The following SLC17A3 variants were observed in gnomAD, a reference collection of about 807,000 sequenced individuals.
SLC17A3 encodes solute carrier family 17 member 3, also known as sodium-dependent phosphate transport protein 4.
A neutral mutation model predicts 60.3 loss-of-function variants in SLC17A3; 61 were observed. The observed-to-expected ratio is 1.01, with a 90% CI of 0.82 to 1.25. The LOEUF (loss-of-function observed/expected upper bound fraction) is 1.25, where lower values mean the gene tolerates loss of function less well. Among genes scored for constraint, SLC17A3 ranks in the 50% most tolerant of loss-of-function variants. The pLI is 0.00. For synonymous variants in SLC17A3, 192 were observed against 208.9 expected, an observed-to-expected ratio of 0.92 and a Z score of 0.70; for missense variants, 624 against 594.9, an observed-to-expected ratio of 1.05 and a Z score of -0.51.
intron 6 of SLC17A3, among the ~76,000 whole-genome samples, chr6:25,853,858 AG>A (rs1396791719): frequency 6.6e-6 from 1 of 152,162 alleles, no homozygotes; most frequent in Non-Finnish European, 1.5e-5. Context: ...TAATGTTAAA[AG>A]TTTCTCTCTA....
chr6:25,852,967 T>G (rs184313875), intron 6 of SLC17A3, among the ~76,000 whole-genome samples: 30 of 152,332 alleles, frequency 2.0e-4, no homozygotes, highest in Non-Finnish European at 3.8e-4. Context: ...GATTAAATTA[T>G]GTGGAAATAG....
chr6:25,854,348 G>T (rs541890816), intron 6 of SLC17A3, among the ~76,000 whole-genome samples: 1 of 152,090 alleles, frequency 6.6e-6, no homozygotes, highest in Non-Finnish European at 1.5e-5. Context: ...ATTTCAGATT[G>T]TTATATCTTC....
chr6:25,857,158 T>C (rs770449287), intron 5 of SLC17A3, among the ~76,000 whole-genome samples: 5 of 151,982 alleles, frequency 3.3e-5, no homozygotes, highest in Non-Finnish European at 5.9e-5. Context: ...CACTGCACTG[T>C]AGCCTGGGTG....
At chr6:25,861,753 G>A (rs745718327) in intron 4 of SLC17A3, 42 bp from the exon 5 acceptor site, 19 of 1,609,014 alleles carry the variant, frequency 1.2e-5, no homozygotes, top group African/African-American at 2.7e-5. Context: ...GTGGTGCCAT[G>A]TAGAAATTCA....
intron 6 of SLC17A3, among the ~76,000 whole-genome samples, chr6:25,852,210 C>T (rs1459255770): frequency 6.6e-6 from 1 of 152,120 alleles, no homozygotes; most frequent in Non-Finnish European, 1.5e-5. Flanking sequence ...ATGCTGCATT[C>T]AGCATTATCT....
chr6:25,846,862 G>A (rs1028256735), intron 11 of SLC17A3, among the ~76,000 whole-genome samples: 23 of 152,116 alleles, frequency 1.5e-4, no homozygotes, highest in Non-Finnish European at 2.2e-4. Context: ...TGCCTGCCTC[G>A]GCCTCCCAAA....
At chr6:25,863,838 A>T (rs1361290453) in intron 2 of SLC17A3, among the ~76,000 whole-genome samples, 1 of 152,060 alleles carries the variant, frequency 6.6e-6, no homozygotes, top group Non-Finnish European at 1.5e-5. Flanking sequence ...TGACATCTTC[A>T]ATCAATCATC....
In SLC17A3 at chr6:25,849,442, C is replaced by A. The variant is rs766701109; in HGVS notation, c.1294G>T (p.Ala432Ser). The A allele has an allele frequency of 4.3e-6, 7 of 1,611,558 alleles. No individual in the cohort carries two copies. The Admixed American group carries it at 1.0e-4, about 23-fold the overall frequency. ...APRYSSFLMG[A>S]SRGFSSIAPV... ...GCTATGCTCGAAAATCCTCTTGATGCTCCCATGAGAAAACTGGAATACCTG... is the reference window on the plus strand; with the variant it reads ...GCTATGCTCGAAAATCCTCTTGATGATCCCATGAGAAAACTGGAATACCTG... Residue 432 changes from alanine (A) to serine (S), a missense_variant, in exon 11 of 13, where the codon GCA becomes TCA. Ala to Ser is a moderately conservative substitution (Grantham distance 99, BLOSUM62 1). Coordinates refer to ENST00000397060, the MANE Select transcript of SLC17A3 (RefSeq NM_001098486.2).
chr6:25,852,819 T>G (rs1489492934), intron 6 of SLC17A3, among the ~76,000 whole-genome samples: 3 of 152,204 alleles, frequency 2.0e-5, no homozygotes, highest in Non-Finnish European at 4.4e-5. Context: ...ATTATTCTCT[T>G]CATTATAAGT....
intron 2 of SLC17A3, among the ~76,000 whole-genome samples, chr6:25,863,162 C>A (rs1765479208): frequency 6.6e-6 from 1 of 151,946 alleles, no homozygotes; most frequent in Non-Finnish European, 1.5e-5. Flanking sequence ...CAGATCCTGG[C>A]TAAATTGTCC....
At chr6:25,858,957 A>T (rs2151523257) in intron 5 of SLC17A3, among the ~76,000 whole-genome samples, 1 of 152,264 alleles carries the variant, frequency 6.6e-6, no homozygotes, top group South Asian at 2.1e-4. Flanking sequence ...GGCTTCATTA[A>T]AGTTGTATCA....
chr6:25,847,596 A>G lies in SLC17A3; in HGVS notation c.1362+1778T>C, dbSNP rs569885611. On this transcript the variant is annotated intron_variant, in intron 11 of 12. Coordinates refer to ENST00000397060, the MANE Select transcript of SLC17A3 (RefSeq NM_001098486.2). ...TTTGTTATTTTTTGACTTTTTAATA[A>G]TAGACATTCTGACTGCTGTGAGATG... 2.7e-3 allele frequency among the ~76,000 whole-genome samples: 417 copies of G among 152,216 alleles called. 3 individuals carry two copies. The highest frequency in any genetic ancestry group is 9.2e-3 in the African/African-American group (381 of 41,536).
Position 25,850,479 on chromosome 6 carries a change from A to G in SLC17A3, c.973T>C (p.Tyr325His), listed in dbSNP as rs371316517. 1.9e-6 allele frequency: 3 copies of G among 1,613,764 alleles called. No homozygotes were observed. In the African/African-American group the frequency reaches 4.0e-5, roughly 22 times the overall value. The change falls in exon 8 of 13, where the codon TAC becomes CAC. Residue 325 changes from tyrosine to histidine, a missense_variant. By Grantham distance (83) the Tyr-to-His change is moderately conservative. Coordinates refer to ENST00000397060, the MANE Select transcript of SLC17A3 (RefSeq NM_001098486.2). ...CTCACGTCTCTGATGTTAACATGGTACACAGAGCTGATGTAAGTTGGTATG... is the reference window on the plus strand; with the variant it reads ...CTCACGTCTCTGATGTTAACATGGTGCACAGAGCTGATGTAAGTTGGTATG... The part of the protein sequence containing the change: ...VYIPTYISSV[Y>H]HVNIRDNGLL...
At position 25,850,553 on chromosome 6, in the gene SLC17A3, C is replaced by T; in HGVS notation, c.899G>A (p.Cys300Tyr). The T allele has an allele frequency of 6.2e-7, 1 of 1,613,936 alleles. No homozygotes were observed. Among genetic ancestry groups the T allele is most frequent in the Non-Finnish European group, 8.5e-7 (1 of 1,179,886 alleles). Residue 300 changes from cysteine to tyrosine, a missense_variant, in exon 8 of 13, where the codon TGT (cysteine) becomes TAT (tyrosine). By Grantham distance (194) the Cys-to-Tyr change is radical (BLOSUM62 -2). Transcript: ENST00000397060. ...MLRSLPIWSI[C>Y]LGCFSHQWLV... ...CCATTGATGGCTGAAACAGCCTAAACATATGGACCAAATGGGTAGAGATCT... is the reference window on the plus strand; with the variant it reads ...CCATTGATGGCTGAAACAGCCTAAATATATGGACCAAATGGGTAGAGATCT...
At chr6:25,852,761 T>C (rs552152512) in intron 6 of SLC17A3, among the ~76,000 whole-genome samples, 1 of 152,326 alleles carries the variant, frequency 6.6e-6, no homozygotes, top group African/African-American at 2.4e-5. Flanking sequence ...TGCCCTTGTT[T>C]ACTAATTCTA....
intron 5 of SLC17A3, among the ~76,000 whole-genome samples, chr6:25,860,962 C>T (rs547632827): frequency 1.3e-5 from 2 of 151,908 alleles, no homozygotes; most frequent in Admixed American, 1.3e-4. Context: ...GTGTGTGTAG[C>T]TTATTTTCTG....
At chr6:25,868,161 CA>C (rs1561860639) in intron 2 of SLC17A3, 135 bp downstream of exon 2, 5 of 721,460 alleles carry the variant, frequency 6.9e-6, no homozygotes, top group Non-Finnish European at 1.2e-5. Context: ...TTCATATTTG[CA>C]AAATATGTTA....
In SLC17A3 at chr6:25,864,015, T is replaced by G. The variant is rs143315458; in HGVS notation, c.92-1571A>C. 3.7e-3 allele frequency among the ~76,000 whole-genome samples: 564 copies of G among 151,890 alleles called. 3 individuals are homozygous for G. Among genetic ancestry groups the G allele is most frequent in the Non-Finnish European group, 5.6e-3 (379 of 67,906 alleles). ...ATGTATTAGAAGGTGATAAATGCTG[T>G]AGAGAAAATAAAGCAAGAAAGGAGG... On this transcript the variant is annotated intron_variant, in intron 2 of 12. Transcript: ENST00000397060.
chr6:25,852,666 G>T (rs1048833680), intron 6 of SLC17A3, among the ~76,000 whole-genome samples: 1 of 151,472 alleles, frequency 6.6e-6, no homozygotes. Flanking sequence ...AGTTTTATTG[G>T]GTCTTCTTTA....
Sources: allele counts gnomAD v4.1 joint callset (sites outside exome capture counted in the v4.1 genomes callset), GRCh38; gene constraint gnomAD v4.1.1; transcripts MANE v1.5; gene names NCBI Gene and HGNC (gene_info 2026-07-23, HGNC 2026-07-21).